Variants in SPINK1 observed in about 807,000 individuals in gnomAD.
SPINK1 encodes the protein serine peptidase inhibitor Kazal type 1.
SPINK1 carries 5 observed loss-of-function variants against 9.5 expected under a neutral mutation model. The ratio of observed to expected loss-of-function variants is 0.52; its 90% confidence interval spans 0.27 to 1.10. The LOEUF (loss-of-function observed/expected upper bound fraction) is 1.10. Among genes scored for constraint, SPINK1 ranks in the 50% least tolerant of loss-of-function variants. The pLI is 0.11. For synonymous variants in SPINK1, 37 were observed against 32.3 expected, an observed-to-expected ratio of 1.14 and a Z score of -0.49; for missense variants, 88 against 92.7, an observed-to-expected ratio of 0.95 and a Z score of 0.21.
upstream of SPINK1, chr5:147,831,712 C>T (rs958609307): frequency 2.0e-6 from 3 of 1,521,740 alleles, no homozygotes; most frequent in South Asian, 1.2e-5. Flanking sequence ...CACAGATCTC[C>T]CTGGTTATTG....
At position 147,824,591 on chromosome 5, in the gene SPINK1, G is replaced by C. The variant is rs1756364336; in HGVS notation, c.*70C>G. 6.9e-6 allele frequency: 10 copies of C among 1,459,338 alleles called. No individual in the cohort carries two copies. The Admixed American group carries it at 1.7e-4, about 25-fold the overall frequency. 90.4% of individuals were successfully genotyped at this position (1,459,338 alleles called of 1,614,324 possible). ...AAATGGAAACAACAGGGGATATTCAGATACATTTATTCAACAATAAGGCCA... is the reference window on the plus strand; with the variant it reads ...AAATGGAAACAACAGGGGATATTCACATACATTTATTCAACAATAAGGCCA... On this transcript the variant is annotated 3_prime_UTR_variant, in exon 4 of 4. Transcript: ENST00000296695.
the SPINK1 span, among the ~76,000 whole-genome samples, chr5:147,837,443 C>T: frequency 6.6e-6 from 1 of 151,970 alleles, no homozygotes; most frequent in Non-Finnish European, 1.5e-5. Context: ...GAGGATAATG[C>T]CTTTGCATAA....
chr5:147,829,573 A>G lies in SPINK1; in HGVS notation c.87+26T>C, dbSNP rs200296519. The G allele has an allele frequency of 2.5e-4, 400 of 1,609,546 alleles. No homozygotes were observed. The highest frequency in any genetic ancestry group is 2.7e-4 in the Non-Finnish European group (317 of 1,176,656). Reference sequence around the variant, plus strand: ...GGATCAAACTGTTCCAGTCTGAGAAATAAGAAATTACAAATATCTCTTTAC... The same window carrying G: ...GGATCAAACTGTTCCAGTCTGAGAAGTAAGAAATTACAAATATCTCTTTAC... On this transcript the variant is annotated intron_variant, in intron 2 of 3. Coordinates refer to ENST00000296695, the MANE Select transcript of SPINK1 (RefSeq NM_001379610.1).
At chr5:147,826,085 G>A (rs1244381327) in intron 3 of SPINK1, among the ~76,000 whole-genome samples, 1 of 152,128 alleles carries the variant, frequency 6.6e-6, no homozygotes, top group Non-Finnish European at 1.5e-5. Flanking sequence ...GGAGATGCAG[G>A]TTTATGGAAA....
intron 2 of SPINK1, among the ~76,000 whole-genome samples, chr5:147,828,880 G>A (rs1339476160): frequency 6.6e-6 from 1 of 150,532 alleles, no homozygotes; most frequent in Non-Finnish European, 1.5e-5. Context: ...CACCAGTTTT[G>A]TTTTACTAAC....
the SPINK1 span, among the ~76,000 whole-genome samples, chr5:147,838,539 GTA>G: frequency 3.3e-5 from 5 of 152,232 alleles, no homozygotes; most frequent in African/African-American, 1.2e-4. Flanking sequence ...TAGATGTGTT[GTA>G]TATGTCTCCA....
upstream of SPINK1, among the ~76,000 whole-genome samples, chr5:147,836,296 T>TTGTGTGTGTGTGTGTGTGTG (rs58122057): frequency 6.8e-6 from 1 of 146,444 alleles, no homozygotes; most frequent in African/African-American, 2.5e-5. Context: ...ATTTACTGAT[T>TTGTGTGTGTGTGTGTGTGTG]TGTGTGTGTG....
chr5:147,828,248 G>C, intron 2 of SPINK1, 120 bp from the exon 3 acceptor site: 1 of 823,822 alleles, frequency 1.2e-6, no homozygotes, highest in Non-Finnish European at 2.0e-6. Flanking sequence ...ATGATACTGT[G>C]TGTTGTAAGA....
chr5:147,826,917 C>T (rs1756416257), intron 3 of SPINK1, among the ~76,000 whole-genome samples: 1 of 152,122 alleles, frequency 6.6e-6, no homozygotes, highest in Non-Finnish European at 1.5e-5. Flanking sequence ...TCATTTGAGC[C>T]TGAGTCAAAG....
At chr5:147,838,102 A>T in the SPINK1 span, among the ~76,000 whole-genome samples, 1 of 152,142 alleles carries the variant, frequency 6.6e-6, no homozygotes, top group Non-Finnish European at 1.5e-5. Flanking sequence ...CTTTTCACTG[A>T]TAGACCTCTA....
chr5:147,831,727 A>T, upstream of SPINK1: 5 of 1,503,830 alleles, frequency 3.3e-6, no homozygotes, highest in Non-Finnish European at 4.4e-6. Flanking sequence ...TTATTGATTG[A>T]CTCTGTGTCA....
chr5:147,830,774 G>A (rs1756494163), intron 1 of SPINK1, among the ~76,000 whole-genome samples: 1 of 152,186 alleles, frequency 6.6e-6, no homozygotes, highest in African/African-American at 2.4e-5. Flanking sequence ...GAGAGGTGAA[G>A]TTGAAAATGT....
At chr5:147,824,741 A>G (rs1246562421) in intron 3 of SPINK1, 35 bp from the exon 4 acceptor site, 1 of 1,600,744 alleles carries the variant, frequency 6.2e-7, no homozygotes, top group Non-Finnish European at 8.6e-7. Context: ...TATCAGCTTA[A>G]ACTTCACTGA....
chr5:147,831,143 C>A (rs1237865346), intron 1 of SPINK1, among the ~76,000 whole-genome samples: 1 of 152,044 alleles, frequency 6.6e-6, no homozygotes, highest in African/African-American at 2.4e-5. Flanking sequence ...TAACTGGAAG[C>A]CATTTATCTA....
chr5:147,831,728 C>T, upstream of SPINK1: 1 of 1,504,806 alleles, frequency 6.6e-7, no homozygotes, highest in Non-Finnish European at 8.9e-7. Flanking sequence ...TATTGATTGA[C>T]TCTGTGTCAT....
At position 147,830,789 on chromosome 5, in the gene SPINK1, CA is replaced by C. The variant is rs555557897; in HGVS notation, c.55+733del. On this transcript the variant is annotated intron_variant, in intron 1 of 3. Transcript: ENST00000296695. ...GAGAGGTGAAGTTGAAAATGTTAAC[CA>C]TTTCCAGTGATAAAAAGGAAACTGA... 4.6e-5 allele frequency among the ~76,000 whole-genome samples: 7 copies of C among 152,214 alleles called. No homozygotes were observed. In the South Asian group the frequency reaches 1.0e-3, roughly 23 times the overall value.
At chr5:147,834,299 A>C (rs1756558687), upstream of SPINK1, among the ~76,000 whole-genome samples, 2 of 152,194 alleles carry the variant, frequency 1.3e-5, no homozygotes. Context: ...TGCCTTGTTC[A>C]CTTCTGTGTC....
intron 3 of SPINK1, among the ~76,000 whole-genome samples, chr5:147,826,121 T>C (rs1432855404): frequency 2.0e-5 from 3 of 152,170 alleles, no homozygotes; most frequent in Admixed American, 6.5e-5. Context: ...AGATTCCCTT[T>C]GAAGACGTAG....
Position 147,831,611 on chromosome 5 carries a change from A to G in SPINK1, c.-34T>C. On this transcript the variant is annotated 5_prime_UTR_variant, in exon 1 of 4. Transcript: ENST00000296695. ...TTCTGCGTCCAGAGGTCAGTTGAAA[A>G]CTGCACCGCACTTACCACGTCTCTT... 1 of 1,611,930 alleles carries G rather than the reference A, an allele frequency of 6.2e-7. No homozygotes were observed. Among genetic ancestry groups the G allele is most frequent in the Non-Finnish European group, 8.5e-7 (1 of 1,179,262 alleles).
Sources: gnomAD v4.1 joint callset for allele counts (sites outside exome capture counted in the v4.1 genomes callset) on GRCh38, gnomAD v4.1.1 for gene constraint, MANE v1.5 for transcripts, NCBI Gene and HGNC (gene_info 2026-07-23, HGNC 2026-07-21) for gene names.